Variants in UNC45B observed in about 807,000 individuals in gnomAD.
The protein encoded by UNC45B is protein unc-45 homolog B.
In UNC45B, 78 loss-of-function variants were observed where a neutral mutation model predicts 98.7. That is an observed-to-expected ratio of 0.79 (90% CI 0.66 to 0.95). UNC45B has a LOEUF of 0.95. UNC45B is among the 40% of genes least tolerant of loss of function. UNC45B has a pLI of 0.00. For missense variants in UNC45B, 1,225 were observed against 1,184.9 expected, an observed-to-expected ratio of 1.03 and a Z score of -0.50; for synonymous variants, 462 against 480.4, an observed-to-expected ratio of 0.96 and a Z score of 0.50.
At chr17:35,162,033 C>T (rs2142550232) in intron 8 of UNC45B, among the ~76,000 whole-genome samples, 1 of 152,310 alleles carries the variant, frequency 6.6e-6, no homozygotes, top group Non-Finnish European at 1.5e-5. Context: ...AATACCTTGC[C>T]CTCTGCATCT....
Position 35,188,586 on chromosome 17 carries a change from A to G in UNC45B, c.*2027A>G, listed in dbSNP as rs763544752. 6.6e-6 allele frequency: 1 copy of G among 150,452 alleles called. No individual in the cohort carries two copies. Among genetic ancestry groups the G allele is most frequent in the Non-Finnish European group, 1.5e-5 (1 of 67,892 alleles). The allele number at this position is 150,452 out of a possible 1,614,324, so 9.3% of individuals were successfully genotyped here. A position where few individuals can be genotyped will look rare whatever the true frequency, so the allele number is the denominator to read the frequency against. ...TCTCCTGGGCTCAAGTGATCTTTCT[A>G]CTTCAGCCTCCTCAATAGCTGGGAC... On this transcript the variant is annotated 3_prime_UTR_variant, in exon 20 of 20. Coordinates refer to ENST00000394570, the MANE Select transcript of UNC45B (RefSeq NM_001267052.2).
chr17:35,183,610 G>A (rs1396980718), intron 19 of UNC45B, 28 bp downstream of exon 19: 1 of 1,478,738 alleles, frequency 6.8e-7, no homozygotes, highest in South Asian at 1.5e-5. Context: ...GGATAGGACG[G>A]GCTGGGTGGC....
intron 15 of UNC45B, among the ~76,000 whole-genome samples, chr17:35,176,769 C>T (rs1031275598): frequency 7.9e-5 from 12 of 152,272 alleles, no homozygotes; most frequent in Middle Eastern, 3.4e-3. Context: ...ATTTATTTTT[C>T]CAAAAGCTGA....
chr17:35,156,992 G>A (rs9912427), intron 7 of UNC45B, among the ~76,000 whole-genome samples: 9 of 151,964 alleles, frequency 5.9e-5, no homozygotes, highest in East Asian at 1.9e-4. Flanking sequence ...ATGCTTCTCC[G>A]TGCACATCCA....
At position 35,164,083 on chromosome 17, in the gene UNC45B, T is replaced by C. The variant is rs971845470; in HGVS notation, c.1068T>C (p.Ser356=). The part of the protein sequence containing the change: ...PLTDNTRMLA[S]ILINKLYDDL... ...CTGACAACACCCGCATGCTGGCCTCTATCCTCATCAACAAGCTCTATGATG... is the reference window on the plus strand; with the variant it reads ...CTGACAACACCCGCATGCTGGCCTCCATCCTCATCAACAAGCTCTATGATG... The change falls in exon 9 of 20, where the codon TCT becomes TCC. Residue 356 remains serine (S), a synonymous_variant. Transcript: ENST00000394570. The C allele has an allele frequency of 6.2e-7, 1 of 1,614,152 alleles. No individual in the cohort carries two copies. The highest frequency in any genetic ancestry group is 1.7e-5 in the Admixed American group (1 of 60,020).
At chr17:35,179,061 CT>C (rs1158726337) in intron 17 of UNC45B, among the ~76,000 whole-genome samples, 1 of 152,136 alleles carries the variant, frequency 6.6e-6, no homozygotes, top group Admixed American at 6.6e-5. Context: ...TCCATATGAA[CT>C]TTAAAGTAGT....
Position 35,170,099 on chromosome 17 carries a change from C to A in UNC45B, c.1548-15C>A. ...CCTGGGCCCCTTCCCATGTGTGCTC[C>A]CTCCTCACTTCCAGGTGGCTGTGCA... On this transcript the variant is annotated splice_polypyrimidine_tract_variant and intron_variant, in intron 11 of 19. Transcript: ENST00000394570. The A allele has an allele frequency of 6.2e-7, 1 of 1,605,222 alleles. No individual in the cohort carries two copies. Among genetic ancestry groups the A allele is most frequent in the Non-Finnish European group, 8.5e-7 (1 of 1,173,812 alleles).
At chr17:35,171,823 A>G (rs1028995054) in intron 13 of UNC45B, among the ~76,000 whole-genome samples, 3 of 152,206 alleles carry the variant, frequency 2.0e-5, no homozygotes, top group African/African-American at 7.2e-5. Context: ...ATTTTGTGAC[A>G]TGGGTGCTAA....
At chr17:35,171,551 T>TG (rs763695873) in intron 13 of UNC45B, 89 bp downstream of exon 13, 61 of 1,511,432 alleles carry the variant, frequency 4.0e-5, no homozygotes, top group Non-Finnish European at 5.4e-5. Flanking sequence ...GTGTCAGGAG[T>TG]GGCACGGTGT....
intron 9 of UNC45B, among the ~76,000 whole-genome samples, chr17:35,167,615 CAA>C (rs79485102): frequency 1.0e-4 from 12 of 119,108 alleles, no homozygotes; most frequent in Admixed American, 8.8e-5. Context: ...GACTCAGTCT[CAA>C]AAAAAAAAAA....
At chr17:35,176,901 A>G (rs948031476) in intron 15 of UNC45B, 116 bp from the exon 16 acceptor site, 1 of 719,068 alleles carries the variant, frequency 1.4e-6, no homozygotes, top group Non-Finnish European at 2.4e-6. Flanking sequence ...GGCTGATTAT[A>G]CGGCAGAATT....
At chr17:35,166,433 C>T (rs941606132) in intron 9 of UNC45B, among the ~76,000 whole-genome samples, 13 of 152,056 alleles carry the variant, frequency 8.5e-5, no homozygotes, top group Admixed American at 3.9e-4. Context: ...TTCTTGAGTC[C>T]CTCATGAGGT....
chr17:35,172,074 G>A (rs753762666), intron 13 of UNC45B, among the ~76,000 whole-genome samples: 6 of 151,980 alleles, frequency 3.9e-5, no homozygotes, highest in East Asian at 3.8e-4. Context: ...TCATGATTAC[G>A]TCATCTCCAC....
intron 9 of UNC45B, among the ~76,000 whole-genome samples, chr17:35,166,369 G>A (rs1057430148): frequency 2.0e-5 from 3 of 152,100 alleles, no homozygotes; most frequent in African/African-American, 7.2e-5. Flanking sequence ...GTTCACTTAG[G>A]TCTTTTCAAG....
intron 9 of UNC45B, among the ~76,000 whole-genome samples, 180 bp from the exon 10 acceptor site, chr17:35,167,881 G>C (rs779533774): frequency 1.3e-5 from 2 of 152,184 alleles, no homozygotes; most frequent in Non-Finnish European, 2.9e-5. Context: ...CTGAGAACTA[G>C]TAGTACTATC....
At position 35,168,447 on chromosome 17, in the gene UNC45B, C is replaced by T. The variant is rs371818137; in HGVS notation, c.1452+86C>T. ...CACCAAAATGAATGAGTTGAGGCTG[C>T]TGTCCTTGAGGAGACCAGGTTCAAG... On this transcript the variant is annotated intron_variant, in intron 10 of 19. Transcript: ENST00000394570. The T allele has an allele frequency of 4.1e-6, 5 of 1,213,278 alleles. No homozygotes were observed. The South Asian group carries it at 1.4e-4, about 35-fold the overall frequency. 75.2% of individuals were successfully genotyped at this position (1,213,278 alleles called of 1,614,324 possible). A position where few individuals can be genotyped will look rare whatever the true frequency, so the allele number is the denominator to read the frequency against.
chr17:35,158,608 A>C (rs2092080103), intron 7 of UNC45B, among the ~76,000 whole-genome samples: 1 of 152,110 alleles, frequency 6.6e-6, no homozygotes, highest in Non-Finnish European at 1.5e-5. Context: ...TTTCCACTCT[A>C]TCCCCTTGTA....
intron 18 of UNC45B, among the ~76,000 whole-genome samples, 197 bp downstream of exon 18, chr17:35,180,873 T>C (rs1597935915): frequency 6.6e-6 from 1 of 151,868 alleles, no homozygotes; most frequent in Non-Finnish European, 1.5e-5. Flanking sequence ...AAGATATGCA[T>C]AAAGGAAAAA....
chr17:35,173,235 C>G (rs1486119330), intron 13 of UNC45B, among the ~76,000 whole-genome samples: 1 of 150,788 alleles, frequency 6.6e-6, no homozygotes, highest in African/African-American at 2.4e-5. Context: ...AAGCAATTCT[C>G]CTGCTTCAGC....
Sources: gnomAD v4.1 joint callset for allele counts (sites outside exome capture counted in the v4.1 genomes callset) on GRCh38, gnomAD v4.1.1 for gene constraint, MANE v1.5 for transcripts, NCBI Gene and HGNC (gene_info 2026-07-23, HGNC 2026-07-21) for gene names.